ATE1: variants seen among roughly 807,000 people sequenced by gnomAD.
The protein encoded by ATE1 is arginyl-tRNA--protein transferase 1.
ATE1 carries 36 observed loss-of-function variants against 70.5 expected under a neutral mutation model. That is an observed-to-expected ratio of 0.51 (90% CI 0.39 to 0.67). The LOEUF (loss-of-function observed/expected upper bound fraction) is 0.67. Ranked by LOEUF, ATE1 falls within the 30% of genes least tolerant of loss-of-function variation. The pLI is 0.00. For missense variants in ATE1, 593 were observed against 629.5 expected, an observed-to-expected ratio of 0.94 and a Z score of 0.62; for synonymous variants, 232 against 219.3, an observed-to-expected ratio of 1.06 and a Z score of -0.51.
chr10:121,749,294 C>G (rs2135696134), intron 11 of ATE1, among the ~76,000 whole-genome samples: 1 of 152,300 alleles, frequency 6.6e-6, no homozygotes, highest in South Asian at 2.1e-4. Flanking sequence ...CTGTCAGGAA[C>G]AATTTATTCA....
rs1006347973 is a variant in ATE1, at chr10:121,902,659, G to A, written c.584-39C>T. 2.6e-6 allele frequency: 4 copies of A among 1,539,168 alleles called. No homozygotes were observed. The East Asian group carries it at 9.7e-5, about 37-fold the overall frequency. On this transcript the variant is annotated intron_variant, in intron 5 of 11. Transcript: ENST00000224652. ...TAAAATATTAGACCAATCACATTTGGTTCTAGAAAAGTTTTTTCACATGTC... is the reference window on the plus strand; with the variant it reads ...TAAAATATTAGACCAATCACATTTGATTCTAGAAAAGTTTTTTCACATGTC...
At chr10:121,829,008 C>G (rs900841359) in intron 10 of ATE1, among the ~76,000 whole-genome samples, 3 of 152,068 alleles carry the variant, frequency 2.0e-5, no homozygotes, top group Non-Finnish European at 2.9e-5. Context: ...TTGTAATTAC[C>G]TATGTCCTCC....
chr10:121,875,458 C>T (rs932631465), intron 7 of ATE1, among the ~76,000 whole-genome samples: 2 of 151,858 alleles, frequency 1.3e-5, no homozygotes, highest in African/African-American at 4.8e-5. Flanking sequence ...GCGCCCACCA[C>T]CACGCCTGGC....
At chr10:121,849,720 A>C (rs1462156865) in intron 8 of ATE1, among the ~76,000 whole-genome samples, 1 of 152,218 alleles carries the variant, frequency 6.6e-6, no homozygotes, top group Non-Finnish European at 1.5e-5. Flanking sequence ...CTAGTAAGTC[A>C]ATCAGTACAA....
intron 4 of ATE1, among the ~76,000 whole-genome samples, chr10:121,911,943 T>C (rs11200247): frequency 0.46 from 69,995 of 151,826 alleles, 16,933 homozygotes; most frequent in African/African-American, 0.61. Context: ...AGACGGGATT[T>C]CACTGTGTTA....
intron 8 of ATE1, among the ~76,000 whole-genome samples, chr10:121,853,344 A>G (rs1263736425): frequency 1.3e-5 from 2 of 150,574 alleles, no homozygotes; most frequent in African/African-American, 4.9e-5. Flanking sequence ...CCTGGGGAAC[A>G]AAGTTAGACT....
At chr10:121,905,126 T>C (rs927987541) in intron 5 of ATE1, among the ~76,000 whole-genome samples, 1 of 152,186 alleles carries the variant, frequency 6.6e-6, no homozygotes, top group African/African-American at 2.4e-5. Flanking sequence ...TGGGCACGTT[T>C]CCCTGTCTGT....
At chr10:121,755,358 T>C (rs1944754592) in intron 11 of ATE1, among the ~76,000 whole-genome samples, 1 of 152,206 alleles carries the variant, frequency 6.6e-6, no homozygotes, top group South Asian at 2.1e-4. Context: ...ATCAGAAACT[T>C]ATTCTCAAAT....
intron 10 of ATE1, among the ~76,000 whole-genome samples, chr10:121,790,687 T>G (rs1004208120): frequency 5.9e-5 from 9 of 152,192 alleles, no homozygotes; most frequent in African/African-American, 2.2e-4. Context: ...GTGAACTTAT[T>G]TTTCAACATG....
intron 3 of ATE1, among the ~76,000 whole-genome samples, chr10:121,915,431 T>C (rs1181190457): frequency 6.6e-6 from 1 of 151,522 alleles, no homozygotes; most frequent in Admixed American, 6.6e-5. Context: ...AAAAAGAAAA[T>C]GGAGGTGAAA....
chr10:121,810,243 C>A (rs116698690), intron 10 of ATE1, among the ~76,000 whole-genome samples: 2 of 152,110 alleles, frequency 1.3e-5, no homozygotes, highest in African/African-American at 4.8e-5. Flanking sequence ...TTCAGCCTTT[C>A]GGGGTAACTG....
At chr10:121,776,301 C>T (rs191612828) in intron 11 of ATE1, among the ~76,000 whole-genome samples, 38 of 150,072 alleles carry the variant, frequency 2.5e-4, no homozygotes, top group African/African-American at 8.6e-4. Context: ...TATTTCCATC[C>T]CTCTTCATCT....
intron 7 of ATE1, among the ~76,000 whole-genome samples, chr10:121,884,587 G>C (rs866792665): frequency 6.6e-6 from 1 of 151,998 alleles, no homozygotes; most frequent in Non-Finnish European, 1.5e-5. Context: ...AAGAGCCTAT[G>C]TCAAACAATG....
chr10:121,755,801 C>CT (rs1944775479), intron 11 of ATE1, among the ~76,000 whole-genome samples: 1 of 152,210 alleles, frequency 6.6e-6, no homozygotes. Context: ...TAACTCACCA[C>CT]TGGGTCCCTC....
At chr10:121,812,275 T>C (rs1947355672) in intron 10 of ATE1, among the ~76,000 whole-genome samples, 1 of 152,098 alleles carries the variant, frequency 6.6e-6, no homozygotes, top group African/African-American at 2.4e-5. Flanking sequence ...AACTAAAATA[T>C]GTAGCCACGG....
intron 7 of ATE1, among the ~76,000 whole-genome samples, chr10:121,870,438 A>G (rs989329594): frequency 2.0e-5 from 3 of 152,162 alleles, no homozygotes; most frequent in Non-Finnish European, 4.4e-5. Context: ...GAAGATATAA[A>G]CCAATGAGGA....
At chr10:121,747,817 T>C (rs187443117) in intron 11 of ATE1, among the ~76,000 whole-genome samples, 3 of 152,356 alleles carry the variant, frequency 2.0e-5, no homozygotes, top group Admixed American at 6.5e-5. Flanking sequence ...ATGTTTAACA[T>C]GTCCTAGGTT....
chr10:121,765,672 C>A (rs1361872001), intron 11 of ATE1, among the ~76,000 whole-genome samples: 1 of 152,192 alleles, frequency 6.6e-6, no homozygotes, highest in East Asian at 1.9e-4. Context: ...CAAACTGCCA[C>A]ATTCATGTGG....
intron 7 of ATE1, among the ~76,000 whole-genome samples, chr10:121,890,646 A>T (rs950894463): frequency 6.6e-6 from 1 of 152,200 alleles, no homozygotes; most frequent in African/African-American, 2.4e-5. Flanking sequence ...AGTAAAGAAG[A>T]GATGAGAGGT....
Sources: allele counts gnomAD v4.1 joint callset (sites outside exome capture counted in the v4.1 genomes callset), GRCh38; gene constraint gnomAD v4.1.1; transcripts MANE v1.5; gene names NCBI Gene and HGNC (gene_info 2026-07-23, HGNC 2026-07-21).